OPA1: variants seen among roughly 807,000 people sequenced by gnomAD.
OPA1 encodes OPA1 mitochondrial dynamin like GTPase, also known as dynamin-like GTPase OPA1, mitochondrial.
A neutral mutation model predicts 152.9 loss-of-function variants in OPA1; 59 were observed. The ratio of observed to expected loss-of-function variants is 0.39; its 90% CI spans 0.31 to 0.48. The LOEUF is 0.48. Ranked by LOEUF, OPA1 falls within the 20% of genes least tolerant of loss-of-function variation. The probability of loss-of-function intolerance (pLI) is 0.96; values close to 1 mark genes in which losing one functional copy is unlikely to be tolerated. For synonymous variants in OPA1, 400 were observed against 389.9 expected (o/e 1.03, Z -0.31); for missense variants, 1,008 against 1,216.8 (o/e 0.83, Z 2.55).
intron 1 of OPA1, among the ~76,000 whole-genome samples, chr3:193,599,901 C>G (rs562676428): frequency 6.3e-4 from 96 of 152,152 alleles, no homozygotes; most frequent in Non-Finnish European, 1.2e-3. Flanking sequence ...CTACAGGAAT[C>G]AGAATTGAGA....
intron 3 of OPA1, among the ~76,000 whole-genome samples, chr3:193,616,325 A>AT (rs1560330471): frequency 6.6e-6 from 1 of 151,786 alleles, no homozygotes; most frequent in Non-Finnish European, 1.5e-5. Flanking sequence ...TTTTCTTTTA[A>AT]TTTTTTTCTT....
intron 1 of OPA1, chr3:193,613,898 G>T (rs572910949): frequency 1.9e-6 from 1 of 518,144 alleles, no homozygotes; most frequent in Non-Finnish European, 3.9e-6. Context: ...GAAGTTTCCA[G>T]TCCCTTGTAA....
intron 29 of OPA1, among the ~76,000 whole-genome samples, chr3:193,684,799 G>T (rs1043633533): frequency 6.6e-6 from 1 of 152,060 alleles, no homozygotes; most frequent in African/African-American, 2.4e-5. Context: ...TTATAACTGA[G>T]CTGAAATTAG....
intron 15 of OPA1, 102 bp from the exon 16 acceptor site, chr3:193,643,873 T>A (rs1734144744): frequency 3.2e-6 from 4 of 1,263,024 alleles, no homozygotes; most frequent in Non-Finnish European, 4.5e-6. Context: ...TATTAAAATC[T>A]TTCTTGCTAT....
intron 29 of OPA1, among the ~76,000 whole-genome samples, chr3:193,691,037 G>C (rs1450126220): frequency 1.3e-5 from 2 of 152,016 alleles, no homozygotes; most frequent in Non-Finnish European, 2.9e-5. Context: ...AACAAAGTGA[G>C]ATCCTATCTC....
At chr3:193,672,142 A>G (rs937284948) in intron 29 of OPA1, among the ~76,000 whole-genome samples, 1 of 152,244 alleles carries the variant, frequency 6.6e-6, no homozygotes, top group Admixed American at 6.5e-5. Context: ...TTGAAATAGT[A>G]TAACTTTAGA....
At chr3:193,693,413 G>T (rs1024360393) in intron 30 of OPA1, among the ~76,000 whole-genome samples, 1 of 152,208 alleles carries the variant, frequency 6.6e-6, no homozygotes, top group Admixed American at 6.5e-5. Context: ...ACCAAGGCGG[G>T]CGGATCACTT....
At chr3:193,668,672 G>A (rs1405724665) in intron 29 of OPA1, 3 of 1,457,732 alleles carry the variant, frequency 2.1e-6, no homozygotes, top group Non-Finnish European at 1.8e-6. Context: ...GCTACCAACA[G>A]CCCCATGTGA....
chr3:193,598,293 A>G (rs1725920407), intron 1 of OPA1, among the ~76,000 whole-genome samples: 1 of 152,184 alleles, frequency 6.6e-6, no homozygotes, highest in East Asian at 1.9e-4. Flanking sequence ...AACATGTGTC[A>G]TTCTAATAGC....
chr3:193,667,532 G>A (rs112308567), intron 29 of OPA1: 2 of 424,068 alleles, frequency 4.7e-6, no homozygotes, highest in East Asian at 5.9e-5. Flanking sequence ...TTAGCCAGGT[G>A]TGGTGGTGGG....
At chr3:193,604,869 AAAAAAAG>A (rs58426738) in intron 1 of OPA1, among the ~76,000 whole-genome samples, 2 of 145,882 alleles carry the variant, frequency 1.4e-5, no homozygotes, top group Non-Finnish European at 3.0e-5. Flanking sequence ...TCAAAAAAAA[AAAAAAAG>A]AAAAAAGAAA....
chr3:193,681,533 C>T (rs746916423), intron 29 of OPA1, among the ~76,000 whole-genome samples: 1 of 152,216 alleles, frequency 6.6e-6, no homozygotes, highest in Non-Finnish European at 1.5e-5. Context: ...AAGGGTTCTA[C>T]GTACAGGCAG....
At chr3:193,659,628 A>G in intron 25 of OPA1, 67 bp downstream of exon 25, 1 of 1,284,384 alleles carries the variant, frequency 7.8e-7, no homozygotes, top group Admixed American at 1.8e-5. Flanking sequence ...AGGCATTAAA[A>G]TATAACCTTT....
intron 30 of OPA1, among the ~76,000 whole-genome samples, chr3:193,693,404 C>T (rs550637315): frequency 4.1e-4 from 62 of 152,330 alleles, no homozygotes; most frequent in Middle Eastern, 3.4e-3. Flanking sequence ...CTTAGGGAGA[C>T]CAAGGCGGGC....
intron 6 of OPA1, among the ~76,000 whole-genome samples, chr3:193,621,634 A>G (rs1730102785): frequency 6.6e-6 from 1 of 152,252 alleles, no homozygotes; most frequent in Non-Finnish European, 1.5e-5. Flanking sequence ...TGAAAAAAAT[A>G]GTAAAACCAA....
chr3:193,623,293 G>A (rs1272744380), intron 6 of OPA1, among the ~76,000 whole-genome samples: 3 of 152,090 alleles, frequency 2.0e-5, no homozygotes, highest in Non-Finnish European at 2.9e-5. Flanking sequence ...TTCAACATAT[G>A]AATTGTGGGA....
intron 1 of OPA1, among the ~76,000 whole-genome samples, chr3:193,598,674 A>T (rs1478563671): frequency 6.6e-6 from 1 of 151,946 alleles, no homozygotes; most frequent in Non-Finnish European, 1.5e-5. Context: ...GGGTGAATAG[A>T]TAAGGAGGAT....
In OPA1 at chr3:193,643,501, A is replaced by T. The variant is rs781762219; in HGVS notation, c.1378-27A>T. The T allele has an allele frequency of 1.9e-6, 3 of 1,608,866 alleles. No individual in the cohort carries two copies. In the East Asian group the frequency reaches 6.7e-5, roughly 36 times the overall value. On this transcript the variant is annotated intron_variant, in intron 14 of 30. Transcript: ENST00000361510. Reference sequence around the variant, plus strand: ...ATTCTTATTGTGTGAAGCATTTATAATGACATTTAAAACCTTTTTCTTTAA... The same window carrying T: ...ATTCTTATTGTGTGAAGCATTTATATTGACATTTAAAACCTTTTTCTTTAA...
intron 8 of OPA1, among the ~76,000 whole-genome samples, chr3:193,635,042 G>C (rs1166224479): frequency 6.6e-6 from 1 of 152,142 alleles, no homozygotes; most frequent in Non-Finnish European, 1.5e-5. Flanking sequence ...TTGAATTTTT[G>C]TTAAGTGGCC....
Sources: gnomAD v4.1 joint callset for allele counts (sites outside exome capture counted in the v4.1 genomes callset) on GRCh38, gnomAD v4.1.1 for gene constraint, MANE v1.5 for transcripts, NCBI Gene and HGNC (gene_info 2026-07-23, HGNC 2026-07-21) for gene names.